ZNF362: variants seen among roughly 807,000 people sequenced by gnomAD.
ZNF362 encodes zinc finger protein 362.
A neutral mutation model predicts 42.9 loss-of-function variants in ZNF362; 11 were observed. That is an observed-to-expected ratio of 0.26 (90% CI 0.16 to 0.42). The LOEUF is 0.42. Among genes scored for constraint, ZNF362 ranks in the 20% least tolerant of loss-of-function variants. The pLI is 1.00. For missense variants in ZNF362, 362 were observed against 576.2 expected (o/e 0.63, Z 3.81); for synonymous variants, 255 against 257.3 (o/e 0.99, Z 0.09).
At position 33,281,513 on chromosome 1, in the gene ZNF362, C is replaced by G. The variant is rs927552531; in HGVS notation, c.684-74C>G. On this transcript the variant is annotated intron_variant, in intron 5 of 8. Transcript: ENST00000539719. This position sits in a 1 kb window ranked among gnomAD's most constrained non-coding sequence, Gnocchi z 4.8. ...GACCTGTCCCAGGTGCAAGGTCTCT[C>G]TGATGTAGAAGGCCTCCCCTGAGAT... 6.9e-7 allele frequency: 1 copy of G among 1,457,102 alleles called. No homozygotes were observed. The highest frequency in any genetic ancestry group is 1.4e-5 in the African/African-American group (1 of 71,924). The allele number at this position is 1,457,102 out of a possible 1,614,324, so 90.3% of individuals were successfully genotyped here. A position where few individuals can be genotyped will look rare whatever the true frequency, so the allele number is the denominator to read the frequency against.
At chr1:33,242,861 C>T in the ZNF362 span, among the ~76,000 whole-genome samples, 1 of 152,160 alleles carries the variant, frequency 6.6e-6, no homozygotes, top group Non-Finnish European at 1.5e-5. Context: ...AGTGCTGCTT[C>T]CTCTCCTCCC....
chr1:33,281,873 C>A lies in ZNF362; in HGVS notation c.908+62C>A. 6.4e-7 allele frequency: 1 copy of A among 1,571,348 alleles called. No homozygotes were observed. The highest frequency in any genetic ancestry group is 8.7e-7 in the Non-Finnish European group (1 of 1,147,018). On this transcript the variant is annotated intron_variant, in intron 6 of 8. Coordinates refer to ENST00000539719, the MANE Select transcript of ZNF362 (RefSeq NM_152493.3). The surrounding 1 kb of genome is among the most constrained non-coding windows in gnomAD (Gnocchi z 4.8). ...TCAGCTCAGCACCCGTGGCCTGGCA[C>A]ATGGAGCCAGTGCAAGGAGGGGCAA...
the ZNF362 span, among the ~76,000 whole-genome samples, chr1:33,186,991 C>T: frequency 6.6e-6 from 1 of 151,406 alleles, no homozygotes; most frequent in Non-Finnish European, 1.5e-5. Flanking sequence ...GAAGGTGATA[C>T]AGGGAAGGGA....
the ZNF362 span, among the ~76,000 whole-genome samples, chr1:33,134,301 T>C: frequency 6.6e-6 from 1 of 152,250 alleles, no homozygotes; most frequent in Non-Finnish European, 1.5e-5. Flanking sequence ...AGATGGGAAA[T>C]CTGAGGCTAT....
At chr1:33,147,024 A>T in the ZNF362 span, 1 of 731,728 alleles carries the variant, frequency 1.4e-6, no homozygotes, top group Non-Finnish European at 2.3e-6. The surrounding 1 kb of genome is among the most constrained non-coding windows in gnomAD (Gnocchi z 8.1). Flanking sequence ...AGGGAATGCA[A>T]CCTCCATTTT....
At chr1:33,226,212 A>T in the ZNF362 span, among the ~76,000 whole-genome samples, 1 of 152,094 alleles carries the variant, frequency 6.6e-6, no homozygotes, top group Non-Finnish European at 1.5e-5. Context: ...GAGCTCATTA[A>T]TCCTCACCTG....
At position 33,280,553 on chromosome 1, in the gene ZNF362, C is replaced by T. The variant is rs1645985774; in HGVS notation, c.683+96C>T. 6.9e-7 allele frequency: 1 copy of T among 1,458,174 alleles called. No homozygotes were observed. Among genetic ancestry groups the T allele is most frequent in the Non-Finnish European group, 9.1e-7 (1 of 1,101,324 alleles). The allele number at this position is 1,458,174 out of a possible 1,614,324, so 90.3% of individuals were successfully genotyped here. On this transcript the variant is annotated intron_variant, in intron 5 of 8. Transcript: ENST00000539719. The surrounding 1 kb of genome is among the most constrained non-coding windows in gnomAD (Gnocchi z 5.6). ...CCCAGCAGCGGGGCTGAAACAGGACCCTTAGGGCTGAGGGGCAGGGCTAGG... is the reference window on the plus strand; with the variant it reads ...CCCAGCAGCGGGGCTGAAACAGGACTCTTAGGGCTGAGGGGCAGGGCTAGG...
At chr1:33,189,035 A>T in the ZNF362 span, among the ~76,000 whole-genome samples, 1 of 152,092 alleles carries the variant, frequency 6.6e-6, no homozygotes, top group Non-Finnish European at 1.5e-5. Flanking sequence ...GGGATTCCTG[A>T]CCTCAGGCCA....
chr1:33,295,063 C>A (rs370600250), intron 7 of ZNF362, 48 bp downstream of exon 7: 17 of 1,611,506 alleles, frequency 1.1e-5, no homozygotes, highest in Non-Finnish European at 1.4e-5. Context: ...GGTGCCCCCC[C>A]ACCCACCCCC....
the ZNF362 span, among the ~76,000 whole-genome samples, chr1:33,197,840 C>T: frequency 1.1e-4 from 17 of 152,190 alleles, no homozygotes; most frequent in Non-Finnish European, 1.9e-4. Context: ...AAGAACTTTA[C>T]AAAAAGAGTA....
At chr1:33,285,116 A>G (rs1646022551) in intron 6 of ZNF362, among the ~76,000 whole-genome samples, 1 of 152,214 alleles carries the variant, frequency 6.6e-6, no homozygotes, top group Non-Finnish European at 1.5e-5. Flanking sequence ...TCAATTTTTC[A>G]AATTAAAAAC....
At chr1:33,145,838 T>C in the ZNF362 span, 1 of 470,878 alleles carries the variant, frequency 2.1e-6, no homozygotes, top group Non-Finnish European at 4.4e-6. Flanking sequence ...TGGGGCTTGC[T>C]CCACCCACCC....
the ZNF362 span, among the ~76,000 whole-genome samples, chr1:33,235,252 C>T: frequency 4.6e-5 from 7 of 152,176 alleles, no homozygotes; most frequent in Admixed American, 2.6e-4. Context: ...TCTCCTTGCT[C>T]AAGGCTTTCC....
At chr1:33,223,190 G>A in the ZNF362 span, among the ~76,000 whole-genome samples, 1 of 152,150 alleles carries the variant, frequency 6.6e-6, no homozygotes, top group Admixed American at 6.5e-5. Context: ...AGCAGAGCTT[G>A]CAGTGAGCCG....
At chr1:33,276,038 G>T in intron 2 of ZNF362, 62 bp from the exon 3 acceptor site, 1 of 1,586,624 alleles carries the variant, frequency 6.3e-7, no homozygotes, top group Non-Finnish European at 8.6e-7. Flanking sequence ...GCAGCTGAGG[G>T]GTGCTCGCCC....
At chr1:33,245,383 G>A in the ZNF362 span, among the ~76,000 whole-genome samples, 5 of 152,100 alleles carry the variant, frequency 3.3e-5, no homozygotes, top group Non-Finnish European at 7.4e-5. Context: ...TAATCCTGAG[G>A]CATATACGAG....
At position 33,257,307 on chromosome 1, in the gene ZNF362, A is replaced by G. The variant is rs747537013; in HGVS notation, c.-89+653A>G. ...TTTCGGGGAGGTGAGACACAATGCA[A>G]TTGCACTTTAAAGAAAAAAAAAAAG... On this transcript the variant is annotated intron_variant, in intron 1 of 8. Coordinates refer to ENST00000539719, the MANE Select transcript of ZNF362 (RefSeq NM_152493.3). Among the ~76,000 whole-genome samples, 83 of 150,956 alleles carry G rather than the reference A, an allele frequency of 5.5e-4. 1 individual carries two copies. Among genetic ancestry groups the G allele is most frequent in the Non-Finnish European group, 1.0e-3 (70 of 67,714 alleles).
chr1:33,183,312 T>G, the ZNF362 span, among the ~76,000 whole-genome samples: 2 of 152,242 alleles, frequency 1.3e-5, no homozygotes, highest in African/African-American at 4.8e-5. Flanking sequence ...GAGGTACAGT[T>G]TATGAAAAAG....
chr1:33,217,513 C>A, the ZNF362 span, among the ~76,000 whole-genome samples: 1 of 152,226 alleles, frequency 6.6e-6, no homozygotes, highest in Non-Finnish European at 1.5e-5. Flanking sequence ...AATATCCCAA[C>A]CACCAGCTTG....
Sources: gnomAD v4.1 joint callset for allele counts (sites outside exome capture counted in the v4.1 genomes callset) on GRCh38, gnomAD v4.1.1 for gene constraint, Gnocchi (gnomAD v3.1) non-coding constraint, MANE v1.5 for transcripts, NCBI Gene and HGNC (gene_info 2026-07-23, HGNC 2026-07-21) for gene names.